The following OPCML variants were observed in gnomAD, a reference collection of about 807,000 sequenced individuals.
The protein encoded by OPCML is opioid-binding protein/cell adhesion molecule.
In OPCML, 13 loss-of-function variants were observed where a neutral mutation model predicts 37.8. The ratio of observed to expected loss-of-function variants is 0.34; its 90% CI spans 0.22 to 0.55. OPCML has a LOEUF of 0.55. Among genes scored for constraint, OPCML ranks in the 20% least tolerant of loss-of-function variants. OPCML has a pLI of 0.91. For synonymous variants in OPCML, 176 were observed against 168.8 expected (o/e 1.04, Z -0.33); for missense variants, 341 against 435.6 (o/e 0.78, Z 1.93).
chr11:133,028,999 A>C (rs1947617047), intron 1 of OPCML, among the ~76,000 whole-genome samples: 2 of 152,226 alleles, frequency 1.3e-5, no homozygotes, highest in Admixed American at 6.5e-5. Context: ...ATCTACAAGG[A>C]GTTCGAACAA....
At chr11:132,888,858 C>CAAAAAAAAAAAGA (rs1943527298) in intron 2 of OPCML, among the ~76,000 whole-genome samples, 1 of 139,752 alleles carries the variant, frequency 7.2e-6, no homozygotes, top group Non-Finnish European at 1.6e-5. Flanking sequence ...AATTTTACAA[C>CAAAAAAAAAAAGA]AAAAAAAAAA....
intron 1 of OPCML, among the ~76,000 whole-genome samples, chr11:133,400,235 G>A (rs139661816): frequency 1.1e-3 from 167 of 152,262 alleles, no homozygotes; most frequent in African/African-American, 3.9e-3. Context: ...GTTCAAGTTG[G>A]ACACAACTTC....
intron 1 of OPCML, among the ~76,000 whole-genome samples, chr11:133,461,762 GT>G (rs1297365904): frequency 1.3e-5 from 2 of 151,860 alleles, no homozygotes; most frequent in Non-Finnish European, 2.9e-5. Flanking sequence ...TGATATTTTT[GT>G]AAGAATCGAA....
chr11:132,661,775 T>C (rs1184384093), intron 2 of OPCML, among the ~76,000 whole-genome samples: 3 of 152,258 alleles, frequency 2.0e-5, no homozygotes, highest in African/African-American at 4.8e-5. Context: ...ATATTGCTTG[T>C]ACTGCACCAG....
chr11:133,234,658 C>T (rs924620366), intron 1 of OPCML, among the ~76,000 whole-genome samples: 3 of 152,246 alleles, frequency 2.0e-5, no homozygotes, highest in African/African-American at 7.2e-5. Context: ...TCATTCTATA[C>T]ATTTGCAGAT....
chr11:133,182,992 G>A (rs1937907531), intron 1 of OPCML, among the ~76,000 whole-genome samples: 3 of 151,966 alleles, frequency 2.0e-5, no homozygotes, highest in African/African-American at 7.3e-5. Context: ...AATTGAAAAC[G>A]TGATAATTTT....
intron 1 of OPCML, among the ~76,000 whole-genome samples, chr11:132,983,090 G>A (rs1052765951): frequency 6.6e-6 from 1 of 152,184 alleles, no homozygotes; most frequent in South Asian, 2.1e-4. Context: ...CTGGTGCTAT[G>A]CTTGGTCTTC....
At chr11:132,716,390 T>C (rs61908961) in intron 2 of OPCML, among the ~76,000 whole-genome samples, 3 of 149,520 alleles carry the variant, frequency 2.0e-5, no homozygotes, top group Admixed American at 6.8e-5. Flanking sequence ...ATCTGTCTAT[T>C]TATCTATCTA....
intron 3 of OPCML, among the ~76,000 whole-genome samples, chr11:132,557,745 C>T (rs140944320): frequency 3.7e-4 from 56 of 152,204 alleles, no homozygotes; most frequent in African/African-American, 8.7e-4. Flanking sequence ...GGTTCAACAC[C>T]GGCATTGAGT....
chr11:132,634,953 G>T (rs1371863801), intron 3 of OPCML, among the ~76,000 whole-genome samples: 1 of 151,840 alleles, frequency 6.6e-6, no homozygotes, highest in Non-Finnish European at 1.5e-5. Flanking sequence ...CTCTTACTAT[G>T]TTGTAAGACC....
rs538096134 is a variant in OPCML at position 133,074,972 on chromosome 11, G to C, written c.62-131962C>G. ...TCATACTTTCTCGCAGGCATCCTCA[G>C]CTCACCAGGAAGTGGCACCTAGGGC... On this transcript the variant is annotated intron_variant, in intron 1 of 7. Transcript: ENST00000524381. 1.4e-3 allele frequency among the ~76,000 whole-genome samples: 206 copies of C among 152,226 alleles called. 1 individual carries two copies. Among genetic ancestry groups the C allele is most frequent in the Non-Finnish European group, 1.6e-3 (109 of 68,012 alleles).
At chr11:132,844,847 G>C (rs1941450620) in intron 2 of OPCML, among the ~76,000 whole-genome samples, 1 of 151,484 alleles carries the variant, frequency 6.6e-6, no homozygotes, top group Non-Finnish European at 1.5e-5. Flanking sequence ...CACTATAAGT[G>C]GACCTATATA....
intron 4 of OPCML, among the ~76,000 whole-genome samples, chr11:132,518,419 T>C (rs142350617): frequency 8.9e-4 from 135 of 152,326 alleles, no homozygotes; most frequent in African/African-American, 3.1e-3. Context: ...TAAAGGGCTG[T>C]AGGCAATCTG....
intron 1 of OPCML, chr11:133,118,416 C>T (rs1200022136): frequency 1.0e-6 from 1 of 985,190 alleles, no homozygotes; most frequent in East Asian, 1.1e-4. Context: ...GCCTTCCTTT[C>T]ATGGAGTTTA....
At chr11:133,351,332 C>T (rs991775740) in intron 1 of OPCML, among the ~76,000 whole-genome samples, 83 of 152,296 alleles carry the variant, frequency 5.4e-4, no homozygotes, top group African/African-American at 1.9e-3. Flanking sequence ...TCCAACACAA[C>T]TGCAGTTATC....
intron 1 of OPCML, among the ~76,000 whole-genome samples, chr11:133,494,665 GA>G: frequency 7.2e-6 from 1 of 138,048 alleles, no homozygotes; most frequent in African/African-American, 2.9e-5. Flanking sequence ...GGTGGGAATT[GA>G]ACAATGAGAA....
chr11:133,484,076 A>ATT (rs1947470650), intron 1 of OPCML, among the ~76,000 whole-genome samples: 2 of 120,454 alleles, frequency 1.7e-5, no homozygotes, highest in African/African-American at 8.0e-5. Flanking sequence ...ATAGATAGAT[A>ATT]GATAGATTCA....
intron 1 of OPCML, among the ~76,000 whole-genome samples, chr11:133,112,787 G>C (rs142180798): frequency 6.6e-6 from 1 of 152,234 alleles, no homozygotes; most frequent in Non-Finnish European, 1.5e-5. Flanking sequence ...AAAGTGTCTA[G>C]GAGAGCCAAG....
chr11:132,642,614 C>T (rs1940916956), intron 3 of OPCML, among the ~76,000 whole-genome samples: 2 of 152,198 alleles, frequency 1.3e-5, no homozygotes, highest in Non-Finnish European at 2.9e-5. Context: ...TAATATTTGT[C>T]ATGCAATCTC....
Sources: allele counts gnomAD v4.1 joint callset (sites outside exome capture counted in the v4.1 genomes callset), GRCh38; gene constraint gnomAD v4.1.1; transcripts MANE v1.5; gene names NCBI Gene and HGNC (gene_info 2026-07-23, HGNC 2026-07-21).